Variants in SULT6B1 observed in about 807,000 individuals in gnomAD.
SULT6B1 encodes sulfotransferase 6B1.
A neutral mutation model predicts 37.2 loss-of-function variants in SULT6B1; 44 were observed. That is an observed-to-expected ratio of 1.18 (90% CI 0.93 to 1.52). The LOEUF (loss-of-function observed/expected upper bound fraction) is 1.52, where lower values mean the gene tolerates loss of function less well. Ranked by LOEUF, SULT6B1 falls within the 40% of genes most tolerant of loss-of-function variation. The pLI, the probability that SULT6B1 is intolerant of heterozygous loss-of-function variation, is 0.00. For missense variants in SULT6B1, 450 were observed against 361.0 expected (o/e 1.25, Z -2.00); for synonymous variants, 140 against 126.0 (o/e 1.11, Z -0.74).
chr2:37,194,606 T>C (rs1472745234), intron 1 of SULT6B1: 4 of 361,976 alleles, frequency 1.1e-5, no homozygotes, highest in Non-Finnish European at 2.2e-5. Flanking sequence ...TCTCTTTGAG[T>C]GCCTGAGGGA....
chr2:37,171,180 C>A (rs1676288982), intron 6 of SULT6B1, among the ~76,000 whole-genome samples: 3 of 152,182 alleles, frequency 2.0e-5, no homozygotes, highest in Admixed American at 2.0e-4. Flanking sequence ...GCGGAGGTTG[C>A]AGTGAGCTGA....
In SULT6B1 at chr2:37,175,086, G is replaced by T. The variant is rs757694898; in HGVS notation, c.624+46C>A. ...ACATTATAAGTAAGTGCTCTACGTT[G>T]TAGTTTACAATAAATTTTGCTCTAA... On this transcript the variant is annotated intron_variant, in intron 5 of 6. Transcript: ENST00000535679. The T allele has an allele frequency of 2.6e-6, 3 of 1,161,282 alleles. No homozygotes were observed. In the South Asian group the frequency reaches 4.7e-5, roughly 18 times the overall value. 71.9% of individuals were successfully genotyped at this position (1,161,282 alleles called of 1,614,324 possible).
chr2:37,182,100 G>A (rs1372568571), intron 3 of SULT6B1, among the ~76,000 whole-genome samples: 2 of 152,122 alleles, frequency 1.3e-5, no homozygotes, highest in South Asian at 2.1e-4. Context: ...CTTCCCTAAG[G>A]TTTGCTTTCC....
chr2:37,182,414 T>G (rs1162089927), intron 3 of SULT6B1, among the ~76,000 whole-genome samples: 3 of 152,116 alleles, frequency 2.0e-5, no homozygotes, highest in Admixed American at 2.0e-4. Context: ...CTATCACACC[T>G]GGCTATTTTT....
In SULT6B1 at chr2:37,187,404, T is replaced by A; in HGVS notation, c.263A>T (p.Lys88Ile). 1 of 1,609,436 alleles carries A rather than the reference T, an allele frequency of 6.2e-7. No homozygotes were observed. Among genetic ancestry groups the A allele is most frequent in the Non-Finnish European group, 8.5e-7 (1 of 1,176,764 alleles). Residue 88 changes from lysine to isoleucine, a missense_variant, in exon 2 of 7, where the codon AAA becomes ATA. Transcript: ENST00000535679. ...LIYAVSKKKY[K>I]YPEFPVLECG... ...TTCAAGAACTGGGAATTCTGGATAT[T>A]TATACTTTTTTTTAGAAACAGCATA...
chr2:37,185,657 G>A (rs1676655885), intron 2 of SULT6B1, among the ~76,000 whole-genome samples: 2 of 146,740 alleles, frequency 1.4e-5, no homozygotes, highest in East Asian at 4.0e-4. Context: ...GGTGAAGGGT[G>A]CAGTGAGCCG....
chr2:37,175,781 C>T (rs929214091), intron 4 of SULT6B1, among the ~76,000 whole-genome samples: 2 of 152,094 alleles, frequency 1.3e-5, no homozygotes, highest in African/African-American at 4.8e-5. Context: ...GCTAAATCTT[C>T]AAAAGCCATG....
chr2:37,188,429 A>G lies in SULT6B1; in HGVS notation c.199+13T>C. The G allele has an allele frequency of 6.2e-7, 1 of 1,609,594 alleles. No homozygotes were observed. The highest frequency in any genetic ancestry group is 8.5e-7 in the Non-Finnish European group (1 of 1,176,772). ...ATGAGAAGTGTACTTGTAGGAAACG[A>G]CTTGTCATTTACCGCACTTTGGATA... On this transcript the variant is annotated intron_variant, in intron 1 of 6. Coordinates refer to ENST00000535679, the MANE Select transcript of SULT6B1 (RefSeq NM_001367551.1).
At chr2:37,170,445 C>A (rs547027687) in intron 6 of SULT6B1, among the ~76,000 whole-genome samples, 1 of 150,696 alleles carries the variant, frequency 6.6e-6, no homozygotes, top group Non-Finnish European at 1.5e-5. Flanking sequence ...CCAGCCTGGG[C>A]GACAGAGCAA....
At chr2:37,186,656 C>T (rs548028178) in intron 2 of SULT6B1, among the ~76,000 whole-genome samples, 1 of 152,152 alleles carries the variant, frequency 6.6e-6, no homozygotes, top group Admixed American at 6.5e-5. Context: ...CTTTGGGAGG[C>T]CGAGGTGGGA....
At chr2:37,169,441 T>C (rs1156720016) in intron 6 of SULT6B1, among the ~76,000 whole-genome samples, 2 of 152,200 alleles carry the variant, frequency 1.3e-5, no homozygotes, top group Non-Finnish European at 2.9e-5. Context: ...TTTAGAAAAT[T>C]AAGAACTTCA....
At chr2:37,174,018 A>T (rs1361944584) in intron 5 of SULT6B1, among the ~76,000 whole-genome samples, 1 of 152,036 alleles carries the variant, frequency 6.6e-6, no homozygotes, top group Non-Finnish European at 1.5e-5. Flanking sequence ...CTCTTTCCTC[A>T]TTGGCTGTTC....
chr2:37,178,117 T>C (rs1262582197), intron 4 of SULT6B1, among the ~76,000 whole-genome samples: 2 of 152,196 alleles, frequency 1.3e-5, no homozygotes, highest in African/African-American at 4.8e-5. Flanking sequence ...CCATATCTGC[T>C]CACTGCAACC....
intron 3 of SULT6B1, among the ~76,000 whole-genome samples, chr2:37,182,318 A>AT (rs1676571708): frequency 6.8e-6 from 1 of 148,080 alleles, no homozygotes; most frequent in South Asian, 2.1e-4. Flanking sequence ...CAGTGGCGAG[A>AT]TTTTGGCTCA....
chr2:37,185,053 A>G (rs1295477983), intron 2 of SULT6B1, among the ~76,000 whole-genome samples: 2 of 151,964 alleles, frequency 1.3e-5, no homozygotes, highest in East Asian at 3.8e-4. Flanking sequence ...CCCCCATTTT[A>G]GAGATTAAGA....
At chr2:37,188,977 T>A (rs1450042392), upstream of SULT6B1, among the ~76,000 whole-genome samples, 4 of 152,258 alleles carry the variant, frequency 2.6e-5, no homozygotes, top group East Asian at 7.7e-4. Flanking sequence ...CATGCAATTT[T>A]TCTATTAGAA....
At chr2:37,186,275 C>T (rs1335020019) in intron 2 of SULT6B1, among the ~76,000 whole-genome samples, 1 of 152,132 alleles carries the variant, frequency 6.6e-6, no homozygotes, top group Non-Finnish European at 1.5e-5. Flanking sequence ...GTGGTTCCCC[C>T]TTGAATACAG....
chr2:37,185,847 A>G (rs1020841732), intron 2 of SULT6B1, among the ~76,000 whole-genome samples: 1 of 152,002 alleles, frequency 6.6e-6, no homozygotes, highest in Non-Finnish European at 1.5e-5. Context: ...GGAGAAGTCT[A>G]TGGGGCTTTT....
chr2:37,192,858 G>C (rs897951653), upstream of SULT6B1, among the ~76,000 whole-genome samples: 6 of 152,132 alleles, frequency 3.9e-5, no homozygotes, highest in Non-Finnish European at 7.4e-5. Context: ...CTGATTCTTA[G>C]TTTGTCTAGG....
Sources: gnomAD v4.1 joint callset for allele counts (sites outside exome capture counted in the v4.1 genomes callset) on GRCh38, gnomAD v4.1.1 for gene constraint, MANE v1.5 for transcripts, NCBI Gene and HGNC (gene_info 2026-07-23, HGNC 2026-07-21) for gene names.